GLCCI1: variants seen among roughly 807,000 people sequenced by gnomAD.
GLCCI1 encodes the protein glucocorticoid induced 1.
A neutral mutation model predicts 52.2 loss-of-function variants in GLCCI1; 24 were observed. That is an observed-to-expected ratio of 0.46 (90% CI 0.33 to 0.65). The LOEUF (loss-of-function observed/expected upper bound fraction) is 0.65. Among genes scored for constraint, GLCCI1 ranks in the 30% least tolerant of loss-of-function variants. The pLI, the probability that GLCCI1 is intolerant of heterozygous loss-of-function variation, is 0.02. For missense variants in GLCCI1, 704 were observed against 701.5 expected, an observed-to-expected ratio of 1.00 and a Z score of -0.04; for synonymous variants, 310 against 276.5, an observed-to-expected ratio of 1.12 and a Z score of -1.20.
At chr7:8,032,348 A>C (rs1192391221) in intron 3 of GLCCI1, among the ~76,000 whole-genome samples, 2 of 152,080 alleles carry the variant, frequency 1.3e-5, no homozygotes, top group African/African-American at 4.8e-5. Context: ...TTCCATCTTA[A>C]GAAACTGGAA....
intron 3 of GLCCI1, among the ~76,000 whole-genome samples, chr7:8,039,824 C>T (rs1041542848): frequency 3.3e-5 from 5 of 151,886 alleles, no homozygotes; most frequent in African/African-American, 1.2e-4. Flanking sequence ...TGGTGAAACC[C>T]CGTCTCTACT....
At chr7:8,000,737 A>C (rs1472171900) in intron 1 of GLCCI1, among the ~76,000 whole-genome samples, 1 of 152,128 alleles carries the variant, frequency 6.6e-6, no homozygotes, top group Non-Finnish European at 1.5e-5. Flanking sequence ...AATATGATGC[A>C]TATAAGCTGT....
chr7:8,060,029 C>A, intron 4 of GLCCI1, 67 bp from the exon 5 acceptor site: 1 of 1,272,614 alleles, frequency 7.9e-7, no homozygotes, highest in Non-Finnish European at 1.1e-6. Context: ...TAATATTTAC[C>A]ATACTCTTTA....
At chr7:8,017,102 G>A (rs931838474) in intron 2 of GLCCI1, among the ~76,000 whole-genome samples, 29 of 152,182 alleles carry the variant, frequency 1.9e-4, no homozygotes, top group African/African-American at 6.3e-4. Context: ...ATAGGTTCAT[G>A]TGCAGGAGAG....
chr7:8,063,088 T>C (rs1227789696), intron 5 of GLCCI1, among the ~76,000 whole-genome samples: 4 of 152,176 alleles, frequency 2.6e-5, no homozygotes, highest in Non-Finnish European at 1.5e-5. Context: ...ACCAGCAGTG[T>C]ATAAGCATTC....
chr7:7,972,294 C>T (rs968488923), intron 1 of GLCCI1, among the ~76,000 whole-genome samples: 1 of 152,178 alleles, frequency 6.6e-6, no homozygotes, highest in East Asian at 1.9e-4. Context: ...CTGCTCTCCA[C>T]CTCCTCCTTT....
At chr7:8,085,315 A>G (rs1002791367) in intron 7 of GLCCI1, among the ~76,000 whole-genome samples, 1 of 152,216 alleles carries the variant, frequency 6.6e-6, no homozygotes, top group African/African-American at 2.4e-5. Context: ...GATGGTAACA[A>G]AGAGACTTTA....
intron 1 of GLCCI1, among the ~76,000 whole-genome samples, chr7:7,974,456 G>GC (rs1780422070): frequency 6.6e-6 from 1 of 152,152 alleles, no homozygotes; most frequent in Non-Finnish European, 1.5e-5. Context: ...CAGAAGGACT[G>GC]CCGTGTACGT....
At chr7:8,001,227 A>C (rs1781043678) in intron 1 of GLCCI1, among the ~76,000 whole-genome samples, 1 of 152,188 alleles carries the variant, frequency 6.6e-6, no homozygotes, top group African/African-American at 2.4e-5. Flanking sequence ...CTTGTAAGGC[A>C]GGCCTGGTGG....
intron 3 of GLCCI1, among the ~76,000 whole-genome samples, chr7:8,030,803 A>G (rs1562434748): frequency 6.6e-6 from 1 of 152,138 alleles, no homozygotes; most frequent in Non-Finnish European, 1.5e-5. Context: ...ATCATTGATT[A>G]TTAGAGAAAT....
chr7:7,992,007 C>T (rs1433934090), intron 1 of GLCCI1, among the ~76,000 whole-genome samples: 1 of 151,836 alleles, frequency 6.6e-6, no homozygotes, highest in Non-Finnish European at 1.5e-5. Flanking sequence ...TAAGGCTAGC[C>T]AATTCAATGA....
chr7:8,085,463 G>A (rs910269037), intron 7 of GLCCI1, among the ~76,000 whole-genome samples: 4 of 152,220 alleles, frequency 2.6e-5, no homozygotes, highest in African/African-American at 9.7e-5. Context: ...TTATCTTCAT[G>A]AAATTTTAAT....
intron 6 of GLCCI1, among the ~76,000 whole-genome samples, chr7:8,076,405 G>C (rs1014033939): frequency 6.6e-6 from 1 of 152,124 alleles, no homozygotes; most frequent in Admixed American, 6.5e-5. Context: ...AAAGGAGTTA[G>C]TCTATAGGTT....
At chr7:8,010,312 G>T (rs564408054) in intron 2 of GLCCI1, among the ~76,000 whole-genome samples, 1 of 152,222 alleles carries the variant, frequency 6.6e-6, no homozygotes, top group East Asian at 1.9e-4. Flanking sequence ...TTTAAATGAG[G>T]ATTTAAAATG....
intron 1 of GLCCI1, among the ~76,000 whole-genome samples, chr7:7,994,014 A>C (rs143677628): frequency 6.6e-6 from 1 of 152,142 alleles, no homozygotes; most frequent in Non-Finnish European, 1.5e-5. Flanking sequence ...TTGTTTGGCT[A>C]TTGTCTTAAT....
At chr7:8,072,455 T>A (rs139653731) in intron 6 of GLCCI1, among the ~76,000 whole-genome samples, 1 of 152,148 alleles carries the variant, frequency 6.6e-6, no homozygotes, top group Non-Finnish European at 1.5e-5. Context: ...TTTGGCTTCA[T>A]GTGGGAAGTC....
At chr7:8,063,089 A>G (rs1169093186) in intron 5 of GLCCI1, among the ~76,000 whole-genome samples, 2 of 152,170 alleles carry the variant, frequency 1.3e-5, no homozygotes, top group African/African-American at 4.8e-5. Context: ...CCAGCAGTGT[A>G]TAAGCATTCC....
At chr7:8,078,126 C>G (rs528690205) in intron 6 of GLCCI1, among the ~76,000 whole-genome samples, 2 of 143,282 alleles carry the variant, frequency 1.4e-5, no homozygotes, top group South Asian at 2.3e-4. Context: ...CCCAGCTACT[C>G]GGGAGGCTGA....
At chr7:8,025,310 A>C (rs948064633) in intron 3 of GLCCI1, among the ~76,000 whole-genome samples, 25 of 152,288 alleles carry the variant, frequency 1.6e-4, no homozygotes, top group African/African-American at 5.1e-4. Flanking sequence ...ACTGCACTGC[A>C]GCCTGGGTGA....
Sources: allele counts gnomAD v4.1 joint callset (sites outside exome capture counted in the v4.1 genomes callset), GRCh38; gene constraint gnomAD v4.1.1; transcripts MANE v1.5; gene names NCBI Gene and HGNC (gene_info 2026-07-23, HGNC 2026-07-21).